Variants in RGS12 observed in about 807,000 individuals in gnomAD.
RGS12 encodes the protein regulator of G protein signaling 12.
Under a neutral mutation model 120.1 loss-of-function variants are expected in RGS12, and 66 were observed. The observed-to-expected ratio is 0.55, with a 90% confidence interval of 0.45 to 0.67. The LOEUF is 0.67. Ranked by LOEUF, RGS12 falls within the 30% of genes least tolerant of loss-of-function variation. The pLI is 0.00. For synonymous variants in RGS12, 827 were observed against 804.7 expected (o/e 1.03, Z -0.47); for missense variants, 1,859 against 1,957.7 (o/e 0.95, Z 0.95).
At chr4:3,424,794 G>A (rs576540972) in intron 13 of RGS12, among the ~76,000 whole-genome samples, 2 of 152,368 alleles carry the variant, frequency 1.3e-5, no homozygotes, top group African/African-American at 2.4e-5. Context: ...GTCCACGAAT[G>A]TGGTGGAGAA....
At position 3,387,839 on chromosome 4, in the gene RGS12, G is replaced by T. The variant is rs190947508; in HGVS notation, c.2020+1402G>T. ...ATGAAAGATTTGCCTAATATGTTTAGTTTCACCATATATAATAAGTTTTAT... is the reference window on the plus strand; with the variant it reads ...ATGAAAGATTTGCCTAATATGTTTATTTTCACCATATATAATAAGTTTTAT... On this transcript the variant is annotated intron_variant, in intron 4 of 17. Coordinates refer to ENST00000336727, the MANE Select transcript of RGS12 (RefSeq NM_001394154.1). 1.9e-3 allele frequency among the ~76,000 whole-genome samples: 292 copies of T among 152,288 alleles called. 2 individuals are homozygous for T. The highest frequency in any genetic ancestry group is 6.8e-3 in the African/African-American group (281 of 41,580).
chr4:3,403,477 A>G (rs1027957624), intron 4 of RGS12, among the ~76,000 whole-genome samples: 2 of 152,226 alleles, frequency 1.3e-5, no homozygotes, highest in African/African-American at 4.8e-5. Context: ...TGGGCCCAGC[A>G]TAGTCACTGA....
rs904408662 is a variant in RGS12 at position 3,430,824 on chromosome 4, G to A, written c.3983G>A (p.Gly1328Asp). The A allele has an allele frequency of 2.5e-6, 4 of 1,611,768 alleles. No homozygotes were observed. Among genetic ancestry groups the A allele is most frequent in the Non-Finnish European group, 2.5e-6 (3 of 1,179,580 alleles). Reference protein sequence around the residue: ...KRQSQEVEAGGIQTVEDEHVA... With the variant: ...KRQSQEVEAGDIQTVEDEHVA... Reference sequence around the variant, plus strand: ...CAGTCTCAGGAAGTGGAGGCCGGGGGCATCCAGACGGTGGAGGATGAGCAC... The same window carrying A: ...CAGTCTCAGGAAGTGGAGGCCGGGGACATCCAGACGGTGGAGGATGAGCAC... Residue 1328 changes from glycine (G) to aspartate (D), a missense_variant, in exon 17 of 18, where the codon GGC (glycine) becomes GAC (aspartate). By Grantham distance (94) the Gly-to-Asp change is moderately conservative. Transcript: ENST00000336727.
intron 3 of RGS12, among the ~76,000 whole-genome samples, chr4:3,363,410 G>A (rs917091877): frequency 6.6e-6 from 1 of 152,074 alleles, no homozygotes; most frequent in Non-Finnish European, 1.5e-5. Context: ...TTTCTTTGAC[G>A]TTCGTTTTGG....
At chr4:3,353,400 G>A (rs748650423) in intron 3 of RGS12, among the ~76,000 whole-genome samples, 5 of 152,144 alleles carry the variant, frequency 3.3e-5, no homozygotes, top group African/African-American at 7.2e-5. Flanking sequence ...TGTGAATGGC[G>A]CTGCTTCTTA....
chr4:3,391,214 G>C (rs1434450869), intron 4 of RGS12, among the ~76,000 whole-genome samples: 1 of 152,104 alleles, frequency 6.6e-6, no homozygotes, highest in Admixed American at 6.5e-5. Flanking sequence ...GTATTTGTAG[G>C]GTGTGGAATA....
intron 1 of RGS12, among the ~76,000 whole-genome samples, chr4:3,294,024 G>A (rs1312464964): frequency 2.0e-5 from 3 of 152,282 alleles, no homozygotes; most frequent in Non-Finnish European, 4.4e-5. Flanking sequence ...AGTGTGGACA[G>A]AGAGGACCAC....
intron 1 of RGS12, among the ~76,000 whole-genome samples, chr4:3,293,866 G>C (rs1361867830): frequency 3.8e-5 from 3 of 79,730 alleles, no homozygotes; most frequent in African/African-American, 6.3e-5. Flanking sequence ...GACAGAGAGA[G>C]GGCCCAGAGC....
At chr4:3,376,673 A>ATTT (rs1717731495) in intron 3 of RGS12, among the ~76,000 whole-genome samples, 4 of 152,238 alleles carry the variant, frequency 2.6e-5, no homozygotes, top group Non-Finnish European at 4.4e-5. Context: ...TTTTCAAAAA[A>ATTT]TGCTGCTCAC....
chr4:3,425,003 C>T (rs538051362), intron 13 of RGS12, among the ~76,000 whole-genome samples: 69 of 152,368 alleles, frequency 4.5e-4, no homozygotes, highest in African/African-American at 1.6e-3. Flanking sequence ...GAGTCAGATT[C>T]TCTGCCAGAG....
chr4:3,370,064 TTC>T, intron 3 of RGS12: 2 of 1,265,698 alleles, frequency 1.6e-6, no homozygotes, highest in Non-Finnish European at 1.0e-6. Flanking sequence ...TAAACGGCGC[TTC>T]TTTCTTTGGA....
chr4:3,386,619 G>A (rs979873812), intron 4 of RGS12, among the ~76,000 whole-genome samples, 182 bp downstream of exon 4: 10 of 152,114 alleles, frequency 6.6e-5, no homozygotes, highest in South Asian at 4.1e-4. Context: ...AGGTGGCCTC[G>A]GCGTGTGTTT....
chr4:3,352,607 T>C (rs553252802), intron 3 of RGS12, among the ~76,000 whole-genome samples: 1 of 152,332 alleles, frequency 6.6e-6, no homozygotes, highest in East Asian at 1.9e-4. Flanking sequence ...AAAATGAATA[T>C]GATTACATAA....
At chr4:3,369,031 G>A (rs1349157956) in intron 3 of RGS12, among the ~76,000 whole-genome samples, 1 of 152,124 alleles carries the variant, frequency 6.6e-6, no homozygotes, top group Admixed American at 6.5e-5. Context: ...CTGACCGGGG[G>A]TCCCGGTAGC....
chr4:3,388,447 C>T (rs945176319), intron 4 of RGS12, among the ~76,000 whole-genome samples: 2 of 152,244 alleles, frequency 1.3e-5, no homozygotes, highest in East Asian at 1.9e-4. Context: ...CACATTCTGC[C>T]GTTGTTAGAT....
chr4:3,368,769 G>A (rs2108880121), intron 3 of RGS12, among the ~76,000 whole-genome samples: 1 of 150,436 alleles, frequency 6.6e-6, no homozygotes, highest in South Asian at 2.1e-4. Flanking sequence ...TGTGTGTGTG[G>A]TGGGGTGGAT....
At chr4:3,360,915 T>C (rs1715496726) in intron 3 of RGS12, among the ~76,000 whole-genome samples, 1 of 152,164 alleles carries the variant, frequency 6.6e-6, no homozygotes, top group Non-Finnish European at 1.5e-5. Flanking sequence ...CAAAGTCACA[T>C]ATGAGAAAGT....
At chr4:3,309,985 G>A (rs199972653) in intron 1 of RGS12, among the ~76,000 whole-genome samples, 10,657 of 113,946 alleles carry the variant, frequency 0.094, 26 homozygotes, top group South Asian at 0.15. Context: ...CCCGGGAATG[G>A]CAGGTGTCCG....
chr4:3,292,730 C>T (rs1051366715), upstream of RGS12, among the ~76,000 whole-genome samples: 11 of 152,222 alleles, frequency 7.2e-5, no homozygotes, highest in African/African-American at 2.4e-4. Context: ...CAGGGCCGGG[C>T]CAGTGCGGGT....
Sources: allele counts gnomAD v4.1 joint callset (sites outside exome capture counted in the v4.1 genomes callset), GRCh38; gene constraint gnomAD v4.1.1; transcripts MANE v1.5; gene names NCBI Gene and HGNC (gene_info 2026-07-23, HGNC 2026-07-21).